EPHA3: variants seen among roughly 807,000 people sequenced by gnomAD.
EPHA3 encodes the protein ephrin type-A receptor 3.
EPHA3 carries 42 observed loss-of-function variants against 107.1 expected under a neutral mutation model. That is an observed-to-expected ratio of 0.39 (90% CI 0.31 to 0.51). The LOEUF (loss-of-function observed/expected upper bound fraction) is 0.51, where lower values mean the gene tolerates loss of function less well. Among genes scored for constraint, EPHA3 ranks in the 20% least tolerant of loss-of-function variants. The pLI is 0.78. For missense variants in EPHA3, 1,183 were observed against 1,211.2 expected (o/e 0.98, Z 0.35); for synonymous variants, 461 against 424.8 (o/e 1.09, Z -1.05).
intron 3 of EPHA3, among the ~76,000 whole-genome samples, chr3:89,216,108 C>A (rs1418915486): frequency 6.6e-6 from 1 of 151,732 alleles, no homozygotes; most frequent in Non-Finnish European, 1.5e-5. Context: ...AGTGTATAAT[C>A]TTTGGGAAAC....
Position 89,128,044 on chromosome 3 carries a change from G to A in EPHA3, c.153+771G>A. Among the ~76,000 whole-genome samples the A allele has an allele frequency of 1.3e-5, 2 of 152,072 alleles. 1 individual carries two copies. Among genetic ancestry groups the A allele is most frequent in the East Asian group, 3.9e-4 (2 of 5,190 alleles). The stretch of plus-strand genomic sequence containing the variant: ...GCATACCTTTTTGTTTCTAAGTATA[G>A]TTTGTGAAATATGTGAAGTACTATT... On this transcript the variant is annotated intron_variant, in intron 2 of 16. Transcript: ENST00000336596.
intron 3 of EPHA3, among the ~76,000 whole-genome samples, chr3:89,258,339 G>T (rs1399014122): frequency 6.6e-6 from 1 of 152,134 alleles, no homozygotes; most frequent in Non-Finnish European, 1.5e-5. Context: ...AATTTTTAAA[G>T]AATATTTTAA....
intron 2 of EPHA3, among the ~76,000 whole-genome samples, chr3:89,170,783 T>G (rs563522286): frequency 6.6e-6 from 1 of 152,236 alleles, no homozygotes; most frequent in South Asian, 2.1e-4. Context: ...AAACAAGAAT[T>G]TATTTGAGAG....
At chr3:89,305,867 C>T (rs371110537) in intron 3 of EPHA3, among the ~76,000 whole-genome samples, 5 of 152,124 alleles carry the variant, frequency 3.3e-5, no homozygotes, top group Admixed American at 6.6e-5. Context: ...AACATGTTAT[C>T]GATGAAACAC....
At chr3:89,224,329 CA>C (rs1169439748) in intron 3 of EPHA3, among the ~76,000 whole-genome samples, 2 of 152,056 alleles carry the variant, frequency 1.3e-5, no homozygotes, top group African/African-American at 4.8e-5. Flanking sequence ...GTTGCCAGGG[CA>C]AATGAGTTGG....
intron 3 of EPHA3, among the ~76,000 whole-genome samples, chr3:89,322,270 T>C (rs933078874): frequency 2.0e-5 from 3 of 152,104 alleles, no homozygotes; most frequent in African/African-American, 4.8e-5. Flanking sequence ...CTGCCAATTA[T>C]TGCCATATGT....
intron 2 of EPHA3, among the ~76,000 whole-genome samples, chr3:89,169,584 T>TA (rs966520577): frequency 6.6e-5 from 10 of 152,174 alleles, no homozygotes; most frequent in Non-Finnish European, 1.2e-4. Context: ...AATGAAGAGA[T>TA]AAAAAATCAC....
intron 5 of EPHA3, among the ~76,000 whole-genome samples, chr3:89,372,139 C>G (rs538291042): frequency 1.3e-5 from 2 of 151,552 alleles, no homozygotes; most frequent in Non-Finnish European, 3.0e-5. Context: ...TGACATTTGC[C>G]CATCTTGGAA....
chr3:89,434,689 T>C (rs1161944808), intron 13 of EPHA3, among the ~76,000 whole-genome samples: 2 of 152,216 alleles, frequency 1.3e-5, no homozygotes, highest in East Asian at 3.9e-4. Flanking sequence ...TTTACACTGA[T>C]TGTTGTTTTG....
intron 2 of EPHA3, among the ~76,000 whole-genome samples, chr3:89,149,775 T>C (rs756245758): frequency 6.6e-5 from 10 of 151,990 alleles, no homozygotes; most frequent in Middle Eastern, 3.4e-3. Flanking sequence ...TAAAAAGTTA[T>C]AAGAAACTAA....
At chr3:89,270,064 G>T (rs534098681) in intron 3 of EPHA3, among the ~76,000 whole-genome samples, 1 of 151,694 alleles carries the variant, frequency 6.6e-6, no homozygotes, top group Non-Finnish European at 1.5e-5. Flanking sequence ...AAATGTGAAA[G>T]CCTACTTCAG....
At chr3:89,395,746 A>G (rs1708836887) in intron 5 of EPHA3, 91 bp from the exon 6 acceptor site, 1 of 1,445,178 alleles carries the variant, frequency 6.9e-7, no homozygotes, top group East Asian at 2.3e-5. Flanking sequence ...CTCCATTTGC[A>G]TGTTCCCTTC....
chr3:89,241,159 A>G (rs1198574813), intron 3 of EPHA3, among the ~76,000 whole-genome samples: 2 of 152,092 alleles, frequency 1.3e-5, no homozygotes, highest in African/African-American at 4.8e-5. Context: ...ATAATAATAT[A>G]CTTTTTAATG....
chr3:89,344,867 C>T (rs147699463), intron 5 of EPHA3, among the ~76,000 whole-genome samples: 2 of 151,630 alleles, frequency 1.3e-5, no homozygotes, highest in Non-Finnish European at 3.0e-5. Flanking sequence ...GTTGTAAATT[C>T]GGATATTAGT....
At position 89,397,392 on chromosome 3, in the gene EPHA3, A is replaced by C. The variant is rs549573364; in HGVS notation, c.1431+1431A>C. Among the ~76,000 whole-genome samples, 3 of 152,296 alleles carry C rather than the reference A, an allele frequency of 2.0e-5. No individual in the cohort carries two copies. In the South Asian group the frequency reaches 6.2e-4, roughly 32 times the overall value. On this transcript the variant is annotated intron_variant, in intron 6 of 16. Coordinates refer to ENST00000336596, the MANE Select transcript of EPHA3 (RefSeq NM_005233.6). ...AATTCATGTTCATAAATGATGCCAC[A>C]AAATTCTTAAAAATCAGTAATGTGC...
intron 5 of EPHA3, among the ~76,000 whole-genome samples, chr3:89,359,452 C>T (rs1233133460): frequency 1.3e-5 from 2 of 150,458 alleles, no homozygotes; most frequent in Non-Finnish European, 3.0e-5. Context: ...TACATGCACA[C>T]TTTGTTGAGA....
At chr3:89,341,576 A>T (rs1342672205) in intron 4 of EPHA3, among the ~76,000 whole-genome samples, 179 bp from the exon 5 acceptor site, 1 of 152,186 alleles carries the variant, frequency 6.6e-6, no homozygotes, top group Non-Finnish European at 1.5e-5. Context: ...AGCTTGGGGA[A>T]GACAGTGTTC....
At chr3:89,344,492 A>G (rs1334469519) in intron 5 of EPHA3, among the ~76,000 whole-genome samples, 1 of 152,184 alleles carries the variant, frequency 6.6e-6, no homozygotes, top group Non-Finnish European at 1.5e-5. Flanking sequence ...CTGGGGAGAT[A>G]GAGGTCTTTG....
chr3:89,120,580 A>G (rs536191967), intron 1 of EPHA3, among the ~76,000 whole-genome samples: 2 of 152,296 alleles, frequency 1.3e-5, no homozygotes, highest in South Asian at 4.1e-4. Flanking sequence ...AAGAAAGAAA[A>G]TTTTAACACT....
Sources: gnomAD v4.1 joint callset for allele counts (sites outside exome capture counted in the v4.1 genomes callset) on GRCh38, gnomAD v4.1.1 for gene constraint, MANE v1.5 for transcripts, NCBI Gene and HGNC (gene_info 2026-07-23, HGNC 2026-07-21) for gene names.